Variants in ZFHX3 observed in about 807,000 individuals in gnomAD.
ZFHX3 encodes the protein zinc finger homeobox protein 3.
ZFHX3 carries 42 observed loss-of-function variants against 279.1 expected under a neutral mutation model. The observed-to-expected ratio is 0.15, with a 90% CI of 0.12 to 0.19. The LOEUF (loss-of-function observed/expected upper bound fraction) is 0.19, where lower values mean the gene tolerates loss of function less well. Among genes scored for constraint, ZFHX3 ranks in the 10% least tolerant of loss-of-function variants. The probability of loss-of-function intolerance (pLI) is 1.00; values close to 1 mark genes in which losing one functional copy is unlikely to be tolerated. For synonymous variants in ZFHX3, 2,293 were observed against 1,957.8 expected, an observed-to-expected ratio of 1.17 and a Z score of -4.52; for missense variants, 4,981 against 4,754.0, an observed-to-expected ratio of 1.05 and a Z score of -1.40.
intron 5 of ZFHX3, among the ~76,000 whole-genome samples, chr16:72,828,856 C>A (rs1482385964): frequency 6.6e-6 from 1 of 151,996 alleles, no homozygotes; most frequent in East Asian, 1.9e-4. Flanking sequence ...GCGTGCACCA[C>A]AATGCCTAAT....
intron 1 of ZFHX3, among the ~76,000 whole-genome samples, chr16:73,785,807 G>A (rs893989209): frequency 6.6e-6 from 1 of 151,792 alleles, no homozygotes; most frequent in Non-Finnish European, 1.5e-5. Flanking sequence ...TTTAATCCTT[G>A]TTTATATGAA....
chr16:73,242,120 G>A (rs1194035971), intron 5 of ZFHX3, among the ~76,000 whole-genome samples: 2 of 152,142 alleles, frequency 1.3e-5, no homozygotes, highest in Non-Finnish European at 2.9e-5. Context: ...GCATATTCAT[G>A]GAGATACGGA....
At chr16:72,848,981 CA>C (rs2037546058) in intron 4 of ZFHX3, among the ~76,000 whole-genome samples, 1 of 152,068 alleles carries the variant, frequency 6.6e-6, no homozygotes, top group Non-Finnish European at 1.5e-5. Context: ...TTCAAAAAAC[CA>C]GGGGGGAAGG....
At position 72,881,299 on chromosome 16, in the gene ZFHX3, C is replaced by T. The variant is rs369330737; in HGVS notation, c.3448+8432G>A. 8.5e-5 allele frequency among the ~76,000 whole-genome samples: 13 copies of T among 152,274 alleles called. No individual in the cohort carries two copies. The East Asian group carries it at 2.3e-3, about 27-fold the overall frequency. On this transcript the variant is annotated intron_variant, in intron 4 of 9. Transcript: ENST00000268489. ...TTTTGAGAAGCTTCCTTGTGGCTCTCAGGAGACCAGAAAGCCCAGGAACCA... is the reference window on the plus strand; with the variant it reads ...TTTTGAGAAGCTTCCTTGTGGCTCTTAGGAGACCAGAAAGCCCAGGAACCA...
At chr16:73,051,944 A>C (rs1965458145), upstream of ZFHX3, among the ~76,000 whole-genome samples, 1 of 152,234 alleles carries the variant, frequency 6.6e-6, no homozygotes, top group Non-Finnish European at 1.5e-5. Flanking sequence ...TTTAATGAAA[A>C]GGCGGACAGA....
chr16:72,997,720 G>A (rs1963347355), intron 1 of ZFHX3, among the ~76,000 whole-genome samples: 2 of 152,098 alleles, frequency 1.3e-5, no homozygotes, highest in African/African-American at 4.8e-5. Context: ...CATCTTTCAT[G>A]TAAATCCTTC....
At chr16:73,544,705 G>A (rs1343709340) in intron 2 of ZFHX3, among the ~76,000 whole-genome samples, 1 of 152,142 alleles carries the variant, frequency 6.6e-6, no homozygotes, top group African/African-American at 2.4e-5. Context: ...GGCAATCCAG[G>A]GAGTGAGACG....
At chr16:73,334,963 A>G (rs2015885208) in intron 3 of ZFHX3, among the ~76,000 whole-genome samples, 1 of 151,948 alleles carries the variant, frequency 6.6e-6, no homozygotes, top group Admixed American at 6.6e-5. Flanking sequence ...CCTCAAAACT[A>G]AACTGAATTC....
chr16:73,396,923 A>G (rs1354905506), intron 3 of ZFHX3, among the ~76,000 whole-genome samples: 1 of 152,202 alleles, frequency 6.6e-6, no homozygotes, highest in Non-Finnish European at 1.5e-5. Context: ...ACCAGCACAG[A>G]TGAGCCTAAG....
intron 1 of ZFHX3, among the ~76,000 whole-genome samples, chr16:73,734,268 C>G (rs115155425): frequency 6.6e-6 from 1 of 152,122 alleles, no homozygotes; most frequent in Non-Finnish European, 1.5e-5. Flanking sequence ...AGGGGATGGA[C>G]TTTTGGAATA....
intron 1 of ZFHX3, among the ~76,000 whole-genome samples, chr16:73,750,186 C>T (rs1374687613): frequency 1.3e-5 from 2 of 152,168 alleles, no homozygotes; most frequent in Non-Finnish European, 2.9e-5. Context: ...GTTGCATTTG[C>T]AGAGTCCTTC....
In ZFHX3 at chr16:72,798,716, TG is replaced by T. The variant is rs1374201488; in HGVS notation, c.3968-3del. 5.3e-6 allele frequency: 8 copies of T among 1,509,684 alleles called. No individual in the cohort carries two copies. The highest frequency in any genetic ancestry group is 2.7e-5 in the South Asian group (2 of 74,428). The allele number at this position is 1,509,684 out of a possible 1,614,324, so 93.5% of individuals were successfully genotyped here. ...TCTTTCCCAGATCCTCTGAGGTTTC[TG>T]TTAAAAAAAAAAAAAAAATCAAACC... On this transcript the variant is annotated splice_region_variant and splice_polypyrimidine_tract_variant and intron_variant, in intron 8 of 9. Transcript: ENST00000268489.
At chr16:73,262,930 C>A (rs1379669318) in intron 4 of ZFHX3, among the ~76,000 whole-genome samples, 3 of 152,122 alleles carry the variant, frequency 2.0e-5, no homozygotes. Context: ...GACTGCCAGA[C>A]ATGTGAGTGA....
At chr16:73,446,883 A>G (rs757194439) in intron 3 of ZFHX3, among the ~76,000 whole-genome samples, 2 of 152,128 alleles carry the variant, frequency 1.3e-5, no homozygotes, top group Non-Finnish European at 2.9e-5. Flanking sequence ...CCTGAACTTA[A>G]AAGTAAAACA....
chr16:73,584,533 A>G (rs952734169), intron 2 of ZFHX3, among the ~76,000 whole-genome samples: 1 of 152,246 alleles, frequency 6.6e-6, no homozygotes, highest in Non-Finnish European at 1.5e-5. Context: ...GGGAAAAAAT[A>G]TTTTAAGAAC....
At chr16:72,913,524 G>A (rs2039370983) in intron 3 of ZFHX3, among the ~76,000 whole-genome samples, 1 of 152,148 alleles carries the variant, frequency 6.6e-6, no homozygotes, top group Non-Finnish European at 1.5e-5. Flanking sequence ...TATCACATCA[G>A]GGGCTATGTG....
chr16:73,089,417 T>C lies in ZFHX3; in HGVS notation c.-533+3818A>G, dbSNP rs535941367. ...TGCACCCGGTCTAATGTTATACCTT[T>C]AGATTGTGTCCTTGCATCTCATTAC... On this transcript the variant is annotated intron_variant, in intron 8 of 17. Transcript: ENST00000641206. Among the ~76,000 whole-genome samples, 5 of 152,340 alleles carry C rather than the reference T, an allele frequency of 3.3e-5. No homozygotes were observed. The South Asian group carries it at 1.0e-3, about 32-fold the overall frequency.
At chr16:72,902,308 T>C (rs1209899266) in intron 3 of ZFHX3, among the ~76,000 whole-genome samples, 5 of 152,178 alleles carry the variant, frequency 3.3e-5, no homozygotes, top group Non-Finnish European at 5.9e-5. Context: ...GTCAAGATAA[T>C]GCATGGAGTA....
intron 3 of ZFHX3, among the ~76,000 whole-genome samples, chr16:72,891,403 T>G (rs1386719036): frequency 6.6e-6 from 1 of 152,182 alleles, no homozygotes; most frequent in Non-Finnish European, 1.5e-5. Flanking sequence ...CTAGGAAGAC[T>G]TAAAGACGAC....
Sources: gnomAD v4.1 joint callset for allele counts (sites outside exome capture counted in the v4.1 genomes callset) on GRCh38, gnomAD v4.1.1 for gene constraint, MANE v1.5 for transcripts, NCBI Gene and HGNC (gene_info 2026-07-23, HGNC 2026-07-21) for gene names.